LIN7A: variants seen among roughly 807,000 people sequenced by gnomAD.
The protein encoded by LIN7A is lin-7 cell polarity scaffold A, also known as protein lin-7 homolog A.
In LIN7A, 25 loss-of-function variants were observed where a neutral mutation model predicts 29.8. The ratio of observed to expected loss-of-function variants is 0.84; its 90% CI spans 0.61 to 1.17. The LOEUF (loss-of-function observed/expected upper bound fraction) is 1.17. LIN7A is among the 50% of genes most tolerant of loss of function. The pLI is 0.00. For missense variants in LIN7A, 239 were observed against 287.0 expected (o/e 0.83, Z 1.21); for synonymous variants, 118 against 107.5 (o/e 1.10, Z -0.60).
chr12:80,875,161 A>G (rs1264426939), intron 2 of LIN7A, among the ~76,000 whole-genome samples: 1 of 152,224 alleles, frequency 6.6e-6, no homozygotes, highest in Non-Finnish European at 1.5e-5. Flanking sequence ...AGGTTGAAAG[A>G]CCACTTAAAC....
At chr12:80,814,921 A>G (rs561829894) in intron 4 of LIN7A, among the ~76,000 whole-genome samples, 1 of 152,348 alleles carries the variant, frequency 6.6e-6, no homozygotes, top group South Asian at 2.1e-4. Context: ...AGATCTGGGC[A>G]GTGTCACAGT....
chr12:80,876,084 G>GAGAGAGAA (rs57103988), intron 2 of LIN7A, among the ~76,000 whole-genome samples: 24 of 148,762 alleles, frequency 1.6e-4, no homozygotes, highest in South Asian at 6.6e-4. Context: ...CACACACAGA[G>GAGAGAGAA]AGAGAGAAAG....
At chr12:80,926,864 C>A (rs1877607767) in intron 1 of LIN7A, among the ~76,000 whole-genome samples, 1 of 138,974 alleles carries the variant, frequency 7.2e-6, no homozygotes, top group African/African-American at 2.7e-5. Flanking sequence ...GGAGGCGGAG[C>A]TTACAGTAAG....
chr12:80,892,721 C>T (rs545081691), intron 1 of LIN7A, among the ~76,000 whole-genome samples: 3 of 152,162 alleles, frequency 2.0e-5, no homozygotes, highest in Non-Finnish European at 4.4e-5. Flanking sequence ...ATGCCTAGGT[C>T]GGTCCCACCT....
At chr12:80,934,373 G>A (rs1279277925) in intron 1 of LIN7A, among the ~76,000 whole-genome samples, 1 of 152,060 alleles carries the variant, frequency 6.6e-6, no homozygotes, top group Admixed American at 6.5e-5. Context: ...ACCTTTACAG[G>A]GTTGATCTCA....
intron 1 of LIN7A, 138 bp from the exon 2 acceptor site, chr12:80,889,507 C>A: frequency 1.7e-6 from 1 of 603,788 alleles, no homozygotes; most frequent in Non-Finnish European, 2.9e-6. Flanking sequence ...ATATTCATAG[C>A]TTTTTGGTCT....
chr12:80,827,554 C>A (rs181521896), intron 4 of LIN7A, among the ~76,000 whole-genome samples: 1 of 152,086 alleles, frequency 6.6e-6, no homozygotes, highest in Non-Finnish European at 1.5e-5. Context: ...ATGAAAACAT[C>A]CTGTATCATG....
At chr12:80,897,466 C>A (rs1697462376) in intron 1 of LIN7A, among the ~76,000 whole-genome samples, 2 of 152,182 alleles carry the variant, frequency 1.3e-5, no homozygotes, top group South Asian at 4.1e-4. Context: ...ACACCTGTCT[C>A]CTATCAATTT....
intron 2 of LIN7A, among the ~76,000 whole-genome samples, chr12:80,877,236 T>C (rs1005951008): frequency 3.9e-5 from 6 of 151,996 alleles, no homozygotes; most frequent in East Asian, 1.9e-4. Flanking sequence ...TGTATGTTAA[T>C]AGTAGTACCA....
chr12:80,937,648 C>A lies in LIN7A; in HGVS notation c.75G>T (p.Leu25=). Reference sequence around the variant, plus strand: ...AGCGAGCCGCTCCCTTACCTCTGTCCAGGGTGAGCGGCTGGACCACTGTCA... The same window carrying A: ...AGCGAGCCGCTCCCTTACCTCTGTCAAGGGTGAGCGGCTGGACCACTGTCA... ...ATLTVVQPLT[L]DRDVARAIEL... is the part of the protein sequence containing the mutation. The change falls in exon 1 of 6, where the codon CTG becomes CTT. Residue 25 remains leucine (L), a synonymous_variant. Coordinates refer to ENST00000552864, the MANE Select transcript of LIN7A (RefSeq NM_004664.4). 6.4e-7 allele frequency: 1 copy of A among 1,561,476 alleles called. No individual in the cohort carries two copies. Among genetic ancestry groups the A allele is most frequent in the Non-Finnish European group, 8.7e-7 (1 of 1,150,224 alleles).
intron 2 of LIN7A, among the ~76,000 whole-genome samples, chr12:80,879,592 T>C (rs1874911802): frequency 7.6e-6 from 1 of 130,822 alleles, no homozygotes; most frequent in African/African-American, 2.8e-5. Flanking sequence ...AAATTTAGGC[T>C]ACTCTGGAAC....
At chr12:80,803,495 T>G (rs1461582846) in intron 5 of LIN7A, among the ~76,000 whole-genome samples, 1 of 152,216 alleles carries the variant, frequency 6.6e-6, no homozygotes, top group African/African-American at 2.4e-5. Context: ...TGTGTCTGTC[T>G]TTATGTCAAC....
rs1261733009 is a variant in LIN7A at position 80,796,340 on chromosome 12, CCAAA to C, written c.*1383_*1386del. 6.6e-6 allele frequency: 1 copy of C among 151,974 alleles called. No individual in the cohort carries two copies. The highest frequency in any genetic ancestry group is 2.4e-5 in the African/African-American group (1 of 41,384). The allele number at this position is 151,974 out of a possible 1,614,324, so 9.4% of individuals were successfully genotyped here. A position where few individuals can be genotyped will look rare whatever the true frequency, so the allele number is the denominator to read the frequency against. On this transcript the variant is annotated 3_prime_UTR_variant, in exon 6 of 6. Coordinates refer to ENST00000552864, the MANE Select transcript of LIN7A (RefSeq NM_004664.4). Reference sequence around the variant, plus strand: ...TTATGTGCTTAAGGTATTCAAATGCCCAAACAATTATTGCTTCCTATTTATTTCA... The same window carrying C: ...TTATGTGCTTAAGGTATTCAAATGCCCAATTATTGCTTCCTATTTATTTCA...
intron 4 of LIN7A, among the ~76,000 whole-genome samples, chr12:80,823,420 G>A (rs1871909467): frequency 1.3e-5 from 2 of 152,230 alleles, no homozygotes; most frequent in Admixed American, 1.3e-4. Context: ...GAAGCTGTTT[G>A]TGGTACACCT....
At chr12:80,848,025 G>A in intron 3 of LIN7A, 1 of 644,094 alleles carries the variant, frequency 1.6e-6, no homozygotes. Context: ...CATTAAGTGA[G>A]TTTAATGAAA....
At chr12:80,814,259 T>C (rs1156657753) in intron 4 of LIN7A, among the ~76,000 whole-genome samples, 1 of 152,214 alleles carries the variant, frequency 6.6e-6, no homozygotes, top group Non-Finnish European at 1.5e-5. Flanking sequence ...TCGTGCAATA[T>C]AAACCCTATT....
intron 1 of LIN7A, 46 bp downstream of exon 1, chr12:80,937,595 A>T: frequency 7.6e-7 from 1 of 1,311,452 alleles, no homozygotes. Flanking sequence ...GGAAGGGAGG[A>T]GGGGAGAGGG....
At chr12:80,924,423 A>C (rs1877470357) in intron 1 of LIN7A, among the ~76,000 whole-genome samples, 1 of 152,224 alleles carries the variant, frequency 6.6e-6, no homozygotes, top group African/African-American at 2.4e-5. Flanking sequence ...AGAATAAAAT[A>C]ATTGTTGAGC....
chr12:80,846,662 A>T (rs1405109055), intron 3 of LIN7A, among the ~76,000 whole-genome samples: 1 of 152,208 alleles, frequency 6.6e-6, no homozygotes, highest in African/African-American at 2.4e-5. Flanking sequence ...TATTTCAATT[A>T]TTATAACAAA....
Sources: allele counts gnomAD v4.1 joint callset (sites outside exome capture counted in the v4.1 genomes callset), GRCh38; gene constraint gnomAD v4.1.1; transcripts MANE v1.5; gene names NCBI Gene and HGNC (gene_info 2026-07-23, HGNC 2026-07-21).